The following RAB7A variants were observed in gnomAD, a reference collection of about 807,000 sequenced individuals.
The protein encoded by RAB7A is ras-related protein Rab-7a.
In RAB7A, 2 loss-of-function variants were observed where a neutral mutation model predicts 24.5. The observed-to-expected ratio is 0.08, with a 90% CI of 0.03 to 0.26. RAB7A has a LOEUF of 0.26. RAB7A is among the 10% of genes least tolerant of loss of function. The pLI, the probability that RAB7A is intolerant of heterozygous loss-of-function variation, is 1.00. For missense variants in RAB7A, 118 were observed against 255.7 expected (o/e 0.46, Z 3.67); for synonymous variants, 100 against 95.9 (o/e 1.04, Z -0.25).
At chr3:128,782,026 A>G (rs993288466) in intron 1 of RAB7A, among the ~76,000 whole-genome samples, 3 of 152,162 alleles carry the variant, frequency 2.0e-5, no homozygotes, top group Admixed American at 1.3e-4. Context: ...AACAAAACCC[A>G]TGGTTGTGAT....
intron 3 of RAB7A, among the ~76,000 whole-genome samples, chr3:128,801,091 A>G (rs554895013): frequency 1.3e-5 from 2 of 152,366 alleles, no homozygotes; most frequent in Non-Finnish European, 2.9e-5. Flanking sequence ...TGGTAATTCC[A>G]GAGTGTTTTT....
intron 1 of RAB7A, among the ~76,000 whole-genome samples, chr3:128,766,395 G>A (rs1238988120): frequency 6.6e-6 from 1 of 152,174 alleles, no homozygotes; most frequent in Non-Finnish European, 1.5e-5. Context: ...CCACCGTCAT[G>A]GGAAACAGAA....
intron 3 of RAB7A, among the ~76,000 whole-genome samples, chr3:128,799,949 G>C (rs1933663249): frequency 6.6e-6 from 1 of 152,080 alleles, no homozygotes. Flanking sequence ...AATGACTAGA[G>C]ATGTTCTAAA....
chr3:128,813,233 GA>G, intron 5 of RAB7A, 93 bp from the exon 6 acceptor site: 1 of 1,185,996 alleles, frequency 8.4e-7, no homozygotes, highest in South Asian at 1.2e-5. Context: ...TGCCCAAGCA[GA>G]AGTGAGCCCC....
chr3:128,782,543 G>A (rs1933243659), intron 1 of RAB7A, among the ~76,000 whole-genome samples: 2 of 152,050 alleles, frequency 1.3e-5, no homozygotes, highest in Admixed American at 6.6e-5. Context: ...AGTAGTAACA[G>A]CAAAAGTGAC....
chr3:128,770,972 CTT>C (rs35146916), intron 1 of RAB7A, among the ~76,000 whole-genome samples: 49 of 141,676 alleles, frequency 3.5e-4, no homozygotes, highest in Admixed American at 4.9e-4. Flanking sequence ...GGGAATGTGA[CTT>C]TTTTTTTTTT....
intron 1 of RAB7A, among the ~76,000 whole-genome samples, chr3:128,763,679 T>G (rs939310970): frequency 2.0e-5 from 3 of 152,182 alleles, no homozygotes; most frequent in African/African-American, 7.2e-5. Context: ...TCCTGTGTGA[T>G]TAGGAAGTGC....
chr3:128,783,853 A>G (rs1201687674), intron 1 of RAB7A, among the ~76,000 whole-genome samples: 1 of 152,200 alleles, frequency 6.6e-6, no homozygotes, highest in African/African-American at 2.4e-5. Flanking sequence ...AACATGCTGA[A>G]CACTTCTTTT....
intron 1 of RAB7A, among the ~76,000 whole-genome samples, chr3:128,770,395 C>G (rs188761009): frequency 7.2e-5 from 11 of 152,294 alleles, no homozygotes; most frequent in African/African-American, 2.4e-4. Context: ...AGTACAGGAG[C>G]TCAGTCCAAA....
At chr3:128,772,241 A>G (rs1447735008) in intron 1 of RAB7A, among the ~76,000 whole-genome samples, 3 of 152,216 alleles carry the variant, frequency 2.0e-5, no homozygotes, top group Non-Finnish European at 2.9e-5. Flanking sequence ...CCTCAGTTCT[A>G]CACAACTTAG....
Position 128,774,722 on chromosome 3 carries a change from G to A in RAB7A, c.-8-20638G>A, listed in dbSNP as rs1285612304. Among the ~76,000 whole-genome samples, 6 of 152,106 alleles carry A rather than the reference G, an allele frequency of 3.9e-5. No individual in the cohort carries two copies. In the East Asian group the frequency reaches 5.8e-4, roughly 15 times the overall value. ...CGAGTAGCTGGGACCACAGGCGCCCGCCACCACGCCCAGCTAATTTTTTGT... is the reference window on the plus strand; with the variant it reads ...CGAGTAGCTGGGACCACAGGCGCCCACCACCACGCCCAGCTAATTTTTTGT... On this transcript the variant is annotated intron_variant, in intron 1 of 5. Coordinates refer to ENST00000265062, the MANE Select transcript of RAB7A (RefSeq NM_004637.6).
intron 1 of RAB7A, among the ~76,000 whole-genome samples, chr3:128,752,574 T>G (rs963042165): frequency 6.6e-6 from 1 of 152,086 alleles, no homozygotes; most frequent in Non-Finnish European, 1.5e-5. Context: ...ATCAGCTTAC[T>G]GGGCTGTGCA....
chr3:128,787,099 C>T (rs938780352), intron 1 of RAB7A, among the ~76,000 whole-genome samples: 7 of 152,140 alleles, frequency 4.6e-5, no homozygotes, highest in South Asian at 2.1e-4. Context: ...TTCATTCTTT[C>T]GTACCTTCCT....
At chr3:128,736,575 AG>A (rs1200531502) in intron 1 of RAB7A, among the ~76,000 whole-genome samples, 1 of 152,224 alleles carries the variant, frequency 6.6e-6, no homozygotes, top group East Asian at 1.9e-4. Context: ...GTCTTGGCAA[AG>A]GGAAAAAGAA....
intron 1 of RAB7A, among the ~76,000 whole-genome samples, chr3:128,756,070 G>A (rs1172656406): frequency 1.3e-5 from 2 of 152,222 alleles, no homozygotes; most frequent in African/African-American, 2.4e-5. Context: ...GGGCACAGTG[G>A]CTCATGCCTG....
rs16851333 is a variant in RAB7A, at chr3:128,813,628, G to A, written c.*206G>A. The A allele has an allele frequency of 5.9e-3, 3,608 of 608,778 alleles. 91 individuals carry two copies. The highest frequency in any genetic ancestry group is 0.059 in the African/African-American group (3,232 of 54,744). The allele number at this position is 608,778 out of a possible 1,614,324, so 37.7% of individuals were successfully genotyped here. A position where few individuals can be genotyped will look rare whatever the true frequency, so the allele number is the denominator to read the frequency against. On this transcript the variant is annotated 3_prime_UTR_variant, in exon 6 of 6. Transcript: ENST00000265062. ...GCACACACACACACACAGATCTGAC[G>A]TAATCAAACTCCAGCCCTTGCCCGT... is the stretch of plus-strand genomic sequence containing the variant.
At chr3:128,750,251 G>A (rs1282979839) in intron 1 of RAB7A, among the ~76,000 whole-genome samples, 1 of 152,116 alleles carries the variant, frequency 6.6e-6, no homozygotes, top group African/African-American at 2.4e-5. Context: ...TAGGGTATCT[G>A]GAGGAAGAAA....
At chr3:128,805,883 C>A (rs528434399) in intron 3 of RAB7A, among the ~76,000 whole-genome samples, 1 of 152,106 alleles carries the variant, frequency 6.6e-6, no homozygotes, top group Admixed American at 6.5e-5. Context: ...AACTCCTGAC[C>A]TCCGGTGATC....
intron 1 of RAB7A, among the ~76,000 whole-genome samples, chr3:128,727,108 G>T (rs1166736579): frequency 1.3e-5 from 2 of 152,186 alleles, no homozygotes; most frequent in Non-Finnish European, 2.9e-5. Context: ...GGGTCATAAG[G>T]GGAATATTGA....
Sources: gnomAD v4.1 joint callset for allele counts (sites outside exome capture counted in the v4.1 genomes callset) on GRCh38, gnomAD v4.1.1 for gene constraint, MANE v1.5 for transcripts, NCBI Gene and HGNC (gene_info 2026-07-23, HGNC 2026-07-21) for gene names.